Variants in SORCS1 observed in about 807,000 individuals in gnomAD.
SORCS1 encodes the protein VPS10 domain-containing receptor SorCS1.
SORCS1 carries 60 observed loss-of-function variants against 146.1 expected under a neutral mutation model. The ratio of observed to expected loss-of-function variants is 0.41; its 90% CI spans 0.33 to 0.51. The LOEUF is 0.51. Ranked by LOEUF, SORCS1 falls within the 20% of genes least tolerant of loss-of-function variation. The pLI is 0.21. For missense variants in SORCS1, 1,352 were observed against 1,487.6 expected, an observed-to-expected ratio of 0.91 and a Z score of 1.50; for synonymous variants, 637 against 584.0, an observed-to-expected ratio of 1.09 and a Z score of -1.31.
At chr10:106,944,874 CTTTTTTTTTTTTTT>C (rs765355110) in intron 2 of SORCS1, among the ~76,000 whole-genome samples, 2 of 36,614 alleles carry the variant, frequency 5.5e-5, no homozygotes, top group South Asian at 3.0e-3. Flanking sequence ...AAAGAGCCTT[CTTTTTTTTTTTTTT>C]TTTTTTTTTT....
At chr10:106,855,385 T>C (rs1949747460) in intron 2 of SORCS1, among the ~76,000 whole-genome samples, 2 of 152,192 alleles carry the variant, frequency 1.3e-5, no homozygotes, top group Admixed American at 1.3e-4. Flanking sequence ...TTTTTTGACA[T>C]TTATCCTGCT....
chr10:107,077,419 G>A (rs1039617857), intron 1 of SORCS1, among the ~76,000 whole-genome samples: 5 of 150,204 alleles, frequency 3.3e-5, no homozygotes, highest in Non-Finnish European at 5.9e-5. Flanking sequence ...CCTATCACCA[G>A]TTATTTTCAA....
intron 1 of SORCS1, among the ~76,000 whole-genome samples, chr10:106,962,308 T>C (rs745965241): frequency 1.1e-4 from 16 of 148,264 alleles, no homozygotes; most frequent in Admixed American, 1.0e-3. Flanking sequence ...TGAGGCAGAA[T>C]TGCTTGAACC....
intron 1 of SORCS1, among the ~76,000 whole-genome samples, chr10:106,973,424 C>T (rs576007872): frequency 5.7e-4 from 87 of 152,250 alleles, no homozygotes; most frequent in Non-Finnish European, 1.2e-3. Flanking sequence ...TGCAAATCTC[C>T]CAGGAAAGAA....
intron 19 of SORCS1, among the ~76,000 whole-genome samples, chr10:106,625,481 G>A (rs1183673021): frequency 6.6e-6 from 1 of 152,042 alleles, no homozygotes; most frequent in African/African-American, 2.4e-5. Flanking sequence ...ATACTTCCAG[G>A]AATCCTAATT....
At chr10:107,132,128 T>TCTCTCACC (rs1205105319) in intron 1 of SORCS1, among the ~76,000 whole-genome samples, 60 of 152,268 alleles carry the variant, frequency 3.9e-4, no homozygotes, top group African/African-American at 1.4e-3. Context: ...AATTTCTCTC[T>TCTCTCACC]CTCTCACCCT....
At chr10:106,965,244 T>C (rs1320238643) in intron 1 of SORCS1, among the ~76,000 whole-genome samples, 1 of 152,056 alleles carries the variant, frequency 6.6e-6, no homozygotes, top group Non-Finnish European at 1.5e-5. Flanking sequence ...CATGGGTTTT[T>C]GTGGTTTTTG....
chr10:107,006,203 T>C (rs1044262419), intron 1 of SORCS1, among the ~76,000 whole-genome samples: 2 of 152,146 alleles, frequency 1.3e-5, no homozygotes, highest in African/African-American at 2.4e-5. Context: ...GGTAGAACAA[T>C]GCAGCAGGAG....
intron 19 of SORCS1, among the ~76,000 whole-genome samples, chr10:106,625,200 C>CTGTGTGTGTGTGTGTG (rs3044907): frequency 1.4e-5 from 2 of 140,038 alleles, no homozygotes; most frequent in Non-Finnish European, 3.1e-5. Flanking sequence ...TTGTGTGATT[C>CTGTGTGTGTGTGTGTG]TGTGTGTGTG....
chr10:106,621,537 A>T (rs1309664417), intron 19 of SORCS1, among the ~76,000 whole-genome samples: 1 of 151,326 alleles, frequency 6.6e-6, no homozygotes, highest in Non-Finnish European at 1.5e-5. Context: ...CCACACCTTA[A>T]CCTTCAAATA....
At chr10:107,168,792 C>T (rs1171654851), upstream of SORCS1, among the ~76,000 whole-genome samples, 4 of 151,282 alleles carry the variant, frequency 2.6e-5, no homozygotes, top group Non-Finnish European at 4.4e-5. Flanking sequence ...AAGGTTTCTA[C>T]GTAGGCATTC....
intron 1 of SORCS1, among the ~76,000 whole-genome samples, chr10:106,957,159 T>TG (rs1041127034): frequency 7.5e-5 from 5 of 66,340 alleles, no homozygotes; most frequent in Non-Finnish European, 1.1e-4. Context: ...CATGTGGTTT[T>TG]TTTTTGTTTT....
chr10:106,710,504 A>G (rs1216782423), intron 6 of SORCS1, among the ~76,000 whole-genome samples: 4 of 151,876 alleles, frequency 2.6e-5, no homozygotes, highest in South Asian at 2.1e-4. Flanking sequence ...TTACTTTACA[A>G]TTGAATCAGT....
chr10:106,679,632 C>G lies in SORCS1; in HGVS notation c.1663G>C (p.Gly555Arg). ...DTAPSIIVAS[G>R]NIGSELSDTD... ...CCAGCAAACCAGGTAAGCTTCTTAC[C>G]TGATGCCACTATGATGCTTGGAGCT... is the stretch of plus-strand genomic sequence containing the variant. The change falls in exon 11 of 26, where the codon GGT (glycine) becomes CGT (arginine). Residue 555 changes from glycine to arginine, a missense_variant and splice_region_variant. Transcript: ENST00000263054. The G allele has an allele frequency of 1.9e-6, 3 of 1,609,864 alleles. No homozygotes were observed. The highest frequency in any genetic ancestry group is 2.5e-6 in the Non-Finnish European group (3 of 1,177,656).
In SORCS1 at chr10:106,699,295, A is replaced by T. The variant is rs776198272; in HGVS notation, c.1332T>A (p.Arg444=). ...CCAAGGCCAGGGTGAAGTAGACACC[A>T]CGTGTGTCTGAGATGTAGAGGTTGT... is the stretch of plus-strand genomic sequence containing the variant. ...DTYNLYISDT[R]GVYFTLALEN... is the part of the protein sequence containing the mutation. Residue 444 remains arginine, a synonymous_variant, in exon 9 of 26, where the codon CGT becomes CGA. Coordinates refer to ENST00000263054, the MANE Select transcript of SORCS1 (RefSeq NM_052918.5). 5 of 1,613,934 alleles carry T rather than the reference A, an allele frequency of 3.1e-6. No homozygotes were observed. In the South Asian group the frequency reaches 5.5e-5, roughly 18 times the overall value.
intron 2 of SORCS1, among the ~76,000 whole-genome samples, chr10:106,850,306 C>G (rs975657415): frequency 1.1e-4 from 17 of 152,090 alleles, no homozygotes; most frequent in Non-Finnish European, 1.8e-4. Context: ...TGTTTTAAGC[C>G]GGTCTGAAAA....
intron 24 of SORCS1, 138 bp from the exon 25 acceptor site, chr10:106,579,612 A>G: frequency 1.2e-6 from 1 of 800,834 alleles, no homozygotes. Context: ...GATGCATGTC[A>G]CATGGCTGAC....
At chr10:106,733,288 A>C (rs2136037826) in intron 5 of SORCS1, among the ~76,000 whole-genome samples, 1 of 152,306 alleles carries the variant, frequency 6.6e-6, no homozygotes, top group African/African-American at 2.4e-5. Flanking sequence ...TACATATGAA[A>C]GTCAAACCAC....
At position 106,652,433 on chromosome 10, in the gene SORCS1, C is replaced by T. The variant is rs1253832496; in HGVS notation, c.2424G>A (p.Lys808=). 2.5e-6 allele frequency: 4 copies of T among 1,614,128 alleles called. No homozygotes were observed. Among genetic ancestry groups the T allele is most frequent in the Non-Finnish European group, 3.4e-6 (4 of 1,179,990 alleles). Residue 808 remains lysine (K), a synonymous_variant, in exon 18 of 26, where the codon AAG becomes AAA. Transcript: ENST00000263054. ...RGLRIVTADG[K]LTAEQGHNVT... ...CGTTGTGTCCTTGTTCCGCTGTCAG[C>T]TTTCCATCAGCCGTGACTATCCGCA...
Sources: gnomAD v4.1 joint callset for allele counts (sites outside exome capture counted in the v4.1 genomes callset) on GRCh38, gnomAD v4.1.1 for gene constraint, MANE v1.5 for transcripts, NCBI Gene and HGNC (gene_info 2026-07-23, HGNC 2026-07-21) for gene names.